EEF2K: variants seen among roughly 807,000 people sequenced by gnomAD.
EEF2K encodes alternative protein EEF2K.
Under a neutral mutation model 93.8 loss-of-function variants are expected in EEF2K, and 70 were observed. The observed-to-expected ratio is 0.75, with a 90% CI of 0.62 to 0.91. EEF2K has a LOEUF of 0.91. EEF2K is among the 40% of genes least tolerant of loss of function. The probability of loss-of-function intolerance (pLI) is 0.00; values close to 1 mark genes in which losing one functional copy is unlikely to be tolerated. For missense variants in EEF2K, 935 were observed against 972.9 expected, an observed-to-expected ratio of 0.96 and a Z score of 0.52; for synonymous variants, 376 against 380.8, an observed-to-expected ratio of 0.99 and a Z score of 0.15.
intron 2 of EEF2K, among the ~76,000 whole-genome samples, chr16:22,242,223 A>G (rs925862077): frequency 3.9e-5 from 6 of 152,128 alleles, no homozygotes; most frequent in Non-Finnish European, 8.8e-5. Flanking sequence ...GTGTGTGTGT[A>G]TTGGAAGGCC....
chr16:22,267,809 T>C (rs1053697441), intron 15 of EEF2K, among the ~76,000 whole-genome samples: 1 of 151,938 alleles, frequency 6.6e-6, no homozygotes, highest in African/African-American at 2.4e-5. Context: ...TGCAGGGAAA[T>C]TGCGTAGGAG....
chr16:22,215,987 G>A (rs946615102), intron 1 of EEF2K, among the ~76,000 whole-genome samples: 7 of 152,152 alleles, frequency 4.6e-5, no homozygotes, highest in African/African-American at 1.7e-4. Context: ...GTGCACTGAA[G>A]GCAATACAAG....
chr16:22,280,524 A>C (rs2047682890), intron 17 of EEF2K, 148 bp downstream of exon 17: 1 of 980,916 alleles, frequency 1.0e-6, no homozygotes, highest in Admixed American at 4.2e-5. Context: ...ATGAAGATGA[A>C]CATTGTTATT....
chr16:22,276,072 G>A (rs2047631628), intron 16 of EEF2K, among the ~76,000 whole-genome samples: 1 of 152,068 alleles, frequency 6.6e-6, no homozygotes, highest in South Asian at 2.1e-4. Flanking sequence ...AGCCTCCTGC[G>A]TAGCTGGGAC....
chr16:22,231,404 C>G (rs968783173), intron 2 of EEF2K, among the ~76,000 whole-genome samples: 1 of 151,878 alleles, frequency 6.6e-6, no homozygotes, highest in Non-Finnish European at 1.5e-5. Context: ...GCATGAGCCA[C>G]CACGCCCGAC....
intron 16 of EEF2K, among the ~76,000 whole-genome samples, chr16:22,278,974 C>T (rs1321776080): frequency 6.6e-6 from 1 of 152,144 alleles, no homozygotes; most frequent in Non-Finnish European, 1.5e-5. Flanking sequence ...CACAGCAGAG[C>T]ATACGGTGAT....
chr16:22,253,796 C>T (rs2047373884), intron 6 of EEF2K, among the ~76,000 whole-genome samples: 1 of 151,970 alleles, frequency 6.6e-6, no homozygotes, highest in East Asian at 1.9e-4. Context: ...GCCTAGGTGT[C>T]CAGTAAATAA....
intron 17 of EEF2K, among the ~76,000 whole-genome samples, chr16:22,281,289 G>C (rs988803627): frequency 1.3e-5 from 2 of 151,674 alleles, no homozygotes; most frequent in East Asian, 1.9e-4. Context: ...ACTCAGGCTG[G>C]AGTGCAGTGG....
intron 1 of EEF2K, among the ~76,000 whole-genome samples, chr16:22,207,577 GCA>G (rs139889477): frequency 0.015 from 2,309 of 152,238 alleles, 95 homozygotes; most frequent in East Asian, 0.079. Context: ...ACAGTGCCTG[GCA>G]CACAGTGTCA....
At chr16:22,252,005 G>T (rs1006659612) in intron 6 of EEF2K, among the ~76,000 whole-genome samples, 1 of 151,930 alleles carries the variant, frequency 6.6e-6, no homozygotes, top group Non-Finnish European at 1.5e-5. Flanking sequence ...TGTTGCCCAG[G>T]CTGGTTTCAA....
chr16:22,251,008 C>T lies in EEF2K; in HGVS notation c.447-143C>T, dbSNP rs1220287982. ...TTTGAAGGATGCAGAGGGGTGGGGACGTCCTTCTTACCTCCTGCATTTTGT... is the reference window on the plus strand; with the variant it reads ...TTTGAAGGATGCAGAGGGGTGGGGATGTCCTTCTTACCTCCTGCATTTTGT... On this transcript the variant is annotated intron_variant, in intron 5 of 17. Coordinates refer to ENST00000263026, the MANE Select transcript of EEF2K (RefSeq NM_013302.5). The T allele has an allele frequency of 1.3e-5, 13 of 994,970 alleles. No homozygotes were observed. In the East Asian group the frequency reaches 1.4e-4, roughly 11 times the overall value. 61.6% of individuals were successfully genotyped at this position (994,970 alleles called of 1,614,324 possible). A position where few individuals can be genotyped will look rare whatever the true frequency, so the allele number is the denominator to read the frequency against.
At chr16:22,261,274 C>T (rs1029019545) in intron 11 of EEF2K, among the ~76,000 whole-genome samples, 4 of 152,000 alleles carry the variant, frequency 2.6e-5, no homozygotes, top group African/African-American at 9.7e-5. Flanking sequence ...ACTCAGGAGG[C>T]TGAGGTAGGA....
rs200700399 is a variant in EEF2K, at chr16:22,248,764, C to G, written c.357C>G (p.Ala119=). Residue 119 remains alanine (A), a synonymous_variant, in exon 4 of 18, where the codon GCC becomes GCG. Transcript: ENST00000263026. ...TERATRHRYN[A]VTGEWLDDEV... ...GGATGGGTCTCTGCAGGTACAACGC[C>G]GTCACCGGGGAATGGCTGGATGATG... 3 of 1,613,906 alleles carry G rather than the reference C, an allele frequency of 1.9e-6. No homozygotes were observed. Among genetic ancestry groups the G allele is most frequent in the Middle Eastern group, 1.6e-4 (1 of 6,062 alleles).
chr16:22,244,867 A>G, intron 3 of EEF2K, 137 bp downstream of exon 3: 3 of 855,340 alleles, frequency 3.5e-6, no homozygotes, highest in Admixed American at 2.3e-5. Context: ...TGGCATGCTA[A>G]TGCGTGCTTA....
chr16:22,277,292 A>G (rs2047646823), intron 16 of EEF2K, among the ~76,000 whole-genome samples: 1 of 152,066 alleles, frequency 6.6e-6, no homozygotes, highest in Non-Finnish European at 1.5e-5. Flanking sequence ...ATGCACCACC[A>G]TACCCAACTA....
intron 10 of EEF2K, among the ~76,000 whole-genome samples, chr16:22,259,562 T>C (rs547401581): frequency 6.6e-6 from 1 of 152,292 alleles, no homozygotes; most frequent in Non-Finnish European, 1.5e-5. Flanking sequence ...AAAGCTACCA[T>C]AGAAAATATT....
At chr16:22,265,771 G>A (rs2047511789) in intron 13 of EEF2K, among the ~76,000 whole-genome samples, 2 of 152,226 alleles carry the variant, frequency 1.3e-5, no homozygotes, top group African/African-American at 4.8e-5. Context: ...GGCATCTTTG[G>A]CCAGGAGAAA....
intron 17 of EEF2K, among the ~76,000 whole-genome samples, chr16:22,282,932 C>A (rs1191541003): frequency 7.9e-5 from 12 of 152,206 alleles, no homozygotes; most frequent in Admixed American, 3.3e-4. Context: ...ATATAATAAA[C>A]ATACTAAGTT....
intron 1 of EEF2K, among the ~76,000 whole-genome samples, chr16:22,212,332 T>C (rs937089702): frequency 1.3e-5 from 2 of 152,068 alleles, no homozygotes; most frequent in African/African-American, 4.8e-5. Context: ...CTCTTTCTTT[T>C]TTTTTTTTTG....
Sources: gnomAD v4.1 joint callset for allele counts (sites outside exome capture counted in the v4.1 genomes callset) on GRCh38, gnomAD v4.1.1 for gene constraint, MANE v1.5 for transcripts, NCBI Gene and HGNC (gene_info 2026-07-23, HGNC 2026-07-21) for gene names.